EMSY: variants seen among roughly 807,000 people sequenced by gnomAD.
EMSY encodes BRCA2-interacting transcriptional repressor EMSY.
In EMSY, 26 loss-of-function variants were observed where a neutral mutation model predicts 134.6. The ratio of observed to expected loss-of-function variants is 0.19; its 90% CI spans 0.14 to 0.27. The LOEUF (loss-of-function observed/expected upper bound fraction) is 0.27. Among genes scored for constraint, EMSY ranks in the 10% least tolerant of loss-of-function variants. EMSY has a pLI of 1.00. For synonymous variants in EMSY, 579 were observed against 577.8 expected, an observed-to-expected ratio of 1.00 and a Z score of -0.03; for missense variants, 1,305 against 1,611.4, an observed-to-expected ratio of 0.81 and a Z score of 3.26.
chr11:76,518,505 C>G (rs1187667744), intron 11 of EMSY, among the ~76,000 whole-genome samples: 1 of 151,502 alleles, frequency 6.6e-6, no homozygotes, highest in Non-Finnish European at 1.5e-5. Context: ...AGCTATAAGA[C>G]TAGAAGGCTT....
intron 2 of EMSY, among the ~76,000 whole-genome samples, chr11:76,450,119 C>T (rs1404900076): frequency 6.8e-6 from 1 of 147,230 alleles, no homozygotes; most frequent in Non-Finnish European, 1.5e-5. Context: ...AAAGCTTCTG[C>T]TTCTACGCTA....
intron 8 of EMSY, among the ~76,000 whole-genome samples, chr11:76,494,654 CCTTCCTTCCTT>C (rs1565314597): frequency 0.066 from 139 of 2,102 alleles, 1 homozygote; most frequent in African/African-American, 0.12. Context: ...CCTTTCCCTT[CCTTCCTTCCTT>C]CCTTCCTTCC....
exon 21 of EMSY, chr11:76,550,426 G>A (rs1156300745): frequency 1.2e-5 from 3 of 245,592 alleles, no homozygotes; most frequent in South Asian, 1.7e-4. Context: ...GATCATGGCC[G>A]GTGAAACAGT....
rs1254003029 is a variant in EMSY at position 76,518,701 on chromosome 11, A to ATTTT, written c.1684+2390_1684+2391insTTTT. ...TGTGCGCGCATATATATATATATAT[A>ATTTT]TATTTTTTTTTTAATTGGGATCTAA... On this transcript the variant is annotated intron_variant, in intron 11 of 20. Transcript: ENST00000334736. Among the ~76,000 whole-genome samples the ATTTT allele has an allele frequency of 1.1e-3, 136 of 120,472 alleles. 1 individual carries two copies. The highest frequency in any genetic ancestry group is 1.6e-3 in the Non-Finnish European group (98 of 59,496). The allele number at this position is 120,472 out of a possible 152,430, so 79.0% of individuals were successfully genotyped here. A position where few individuals can be genotyped will look rare whatever the true frequency, so the allele number is the denominator to read the frequency against.
intron 12 of EMSY, 86 bp from the exon 14 acceptor site, chr11:76,526,376 G>T (rs1466553923): frequency 2.0e-6 from 2 of 1,002,490 alleles, no homozygotes; most frequent in Admixed American, 2.9e-5. Flanking sequence ...TCATCATCCT[G>T]GTAAAACCTT....
At chr11:76,477,025 A>C (rs1301091259) in intron 8 of EMSY, among the ~76,000 whole-genome samples, 1 of 152,014 alleles carries the variant, frequency 6.6e-6, no homozygotes, top group Non-Finnish European at 1.5e-5. Context: ...CTGATGATTC[A>C]GGAAGGATCT....
At chr11:76,476,770 A>G (rs1948783942) in intron 8 of EMSY, among the ~76,000 whole-genome samples, 1 of 152,094 alleles carries the variant, frequency 6.6e-6, no homozygotes, top group African/African-American at 2.4e-5. Context: ...TTGAAATTAG[A>G]CATTTCTTCA....
At chr11:76,531,183 T>A (rs1299519771) in intron 14 of EMSY, among the ~76,000 whole-genome samples, 2 of 152,186 alleles carry the variant, frequency 1.3e-5, no homozygotes. Flanking sequence ...GATTCTTCTC[T>A]TTATGACTAA....
chr11:76,498,366 C>T lies in EMSY; in HGVS notation c.1363+1897C>T, dbSNP rs1178900326. On this transcript the variant is annotated intron_variant, in intron 9 of 20. Coordinates refer to ENST00000334736, the Ensembl canonical transcript of EMSY. ...TGGTTGATTATGTTGTTCAGTTCTC[C>T]TATATCTATGCTGAATTTTCTGCAT... Among the ~76,000 whole-genome samples the T allele has an allele frequency of 7.9e-5, 12 of 152,204 alleles. No homozygotes were observed. In the East Asian group the frequency reaches 1.4e-3, roughly 17 times the overall value.
At chr11:76,494,822 G>C (rs1949584862) in intron 8 of EMSY, among the ~76,000 whole-genome samples, 1 of 151,610 alleles carries the variant, frequency 6.6e-6, no homozygotes, top group East Asian at 1.9e-4. Context: ...TGCAACCTCT[G>C]CTTCCCAGGT....
At chr11:76,484,226 A>G (rs1949092147) in intron 8 of EMSY, among the ~76,000 whole-genome samples, 1 of 152,244 alleles carries the variant, frequency 6.6e-6, no homozygotes, top group Admixed American at 6.5e-5. Context: ...AATGTACCAG[A>G]ATCTCTGGGA....
chr11:76,472,446 G>T (rs1261983486), intron 7 of EMSY, 118 bp from the exon 9 acceptor site: 26 of 976,166 alleles, frequency 2.7e-5, no homozygotes, highest in Non-Finnish European at 3.5e-5. Flanking sequence ...TATATTCTCT[G>T]TTGAATTGCT....
Position 76,512,225 on chromosome 11 carries a change from C to T in EMSY, c.1364-1161C>T, listed in dbSNP as rs546795650. ...GCTACCAATTTAAATTTATAGTTGG[C>T]ATAGGAAATTTTATTTTAACCCTTT... On this transcript the variant is annotated intron_variant, in intron 9 of 20. Transcript: ENST00000334736. Among the ~76,000 whole-genome samples the T allele has an allele frequency of 2.0e-5, 3 of 152,140 alleles. No individual in the cohort carries two copies. The South Asian group carries it at 6.2e-4, about 32-fold the overall frequency.
At chr11:76,542,106 C>A in intron 17 of EMSY, 110 bp from the exon 19 acceptor site, 1 of 1,401,094 alleles carries the variant, frequency 7.1e-7, no homozygotes, top group Non-Finnish European at 1.0e-6. Flanking sequence ...GTTCACAATA[C>A]TACACTTTCT....
exon 14 of EMSY, chr11:76,528,389 T>C: frequency 1.2e-6 from 2 of 1,612,550 alleles, no homozygotes; most frequent in Non-Finnish European, 1.7e-6. Flanking sequence ...AATTCATCTA[T>C]TCAGGAAGGA....
chr11:76,548,556 T>C (rs1334314677), intron 20 of EMSY, among the ~76,000 whole-genome samples: 4 of 152,204 alleles, frequency 2.6e-5, no homozygotes, highest in Non-Finnish European at 5.9e-5. Context: ...ATCCTCCAAC[T>C]ATCTTATTTT....
intron 8 of EMSY, among the ~76,000 whole-genome samples, chr11:76,493,038 C>T (rs946941062): frequency 6.6e-6 from 1 of 152,054 alleles, no homozygotes. Context: ...CCTGGGCATC[C>T]GTGTGCTCTC....
chr11:76,526,439 T>C (rs1479394707), intron 12 of EMSY, 23 bp from the exon 14 acceptor site: 3 of 1,576,090 alleles, frequency 1.9e-6, no homozygotes, highest in East Asian at 2.3e-5. Context: ...AAATCTCTTA[T>C]ATAATCATTG....
intron 11 of EMSY, among the ~76,000 whole-genome samples, chr11:76,519,038 A>G (rs951945603): frequency 6.6e-6 from 1 of 151,382 alleles, no homozygotes; most frequent in African/African-American, 2.4e-5. Context: ...AATGGAAGCC[A>G]TGACTATCTT....
Sources: allele counts gnomAD v4.1 joint callset (sites outside exome capture counted in the v4.1 genomes callset), GRCh38; gene constraint gnomAD v4.1.1; transcripts MANE v1.5; gene names NCBI Gene and HGNC (gene_info 2026-07-23, HGNC 2026-07-21).